CLOCK: variants seen among roughly 807,000 people sequenced by gnomAD.
The protein encoded by CLOCK is circadian locomoter output cycles protein kaput.
A neutral mutation model predicts 118.4 loss-of-function variants in CLOCK; 43 were observed. The ratio of observed to expected loss-of-function variants is 0.36; its 90% CI spans 0.28 to 0.47. The LOEUF is 0.47. Ranked by LOEUF, CLOCK falls within the 20% of genes least tolerant of loss-of-function variation. CLOCK has a pLI of 1.00. For missense variants in CLOCK, 846 were observed against 999.9 expected, an observed-to-expected ratio of 0.85 and a Z score of 2.08; for synonymous variants, 326 against 339.2, an observed-to-expected ratio of 0.96 and a Z score of 0.43.
chr4:55,500,047 C>G (rs1728335569), intron 2 of CLOCK, among the ~76,000 whole-genome samples: 1 of 152,034 alleles, frequency 6.6e-6, no homozygotes, highest in African/African-American at 2.4e-5. Flanking sequence ...TCTCAGGGCA[C>G]AGCTGGGAGA....
At chr4:55,455,795 A>G (rs1724877444) in intron 13 of CLOCK, 102 bp downstream of exon 13, 1 of 876,708 alleles carries the variant, frequency 1.1e-6, no homozygotes, top group East Asian at 2.4e-5. Context: ...TTTCAAAAAT[A>G]TGAAAATGAT....
At chr4:55,479,098 C>A in intron 5 of CLOCK, 135 bp from the exon 6 acceptor site, 1 of 680,074 alleles carries the variant, frequency 1.5e-6, no homozygotes. Flanking sequence ...TCCAGGTTAC[C>A]AATATACAGT....
chr4:55,487,395 C>A (rs527591239), intron 3 of CLOCK, among the ~76,000 whole-genome samples: 21 of 152,280 alleles, frequency 1.4e-4, no homozygotes, highest in Middle Eastern at 3.4e-3. Flanking sequence ...TGAAATATTT[C>A]TTTGGGGAAT....
chr4:55,431,195 A>C lies in CLOCK; in HGVS notation c.*4220T>G, dbSNP rs938979640. On this transcript the variant is annotated 3_prime_UTR_variant, in exon 23 of 23. Coordinates refer to ENST00000513440, the MANE Select transcript of CLOCK (RefSeq NM_004898.4). ...TTCCTTCCGTAAAGGATCCCCAGGC[A>C]TGAGAGTTGGGTCTTCTCACCTGTC... 3 of 152,180 alleles carry C rather than the reference A, an allele frequency of 2.0e-5. No homozygotes were observed. Among genetic ancestry groups the C allele is most frequent in the Non-Finnish European group, 2.9e-5 (2 of 68,026 alleles). The allele number at this position is 152,180 out of a possible 1,614,324, so 9.4% of individuals were successfully genotyped here.
At chr4:55,507,131 T>C (rs893983767) in intron 2 of CLOCK, among the ~76,000 whole-genome samples, 5 of 152,040 alleles carry the variant, frequency 3.3e-5, no homozygotes, top group African/African-American at 9.7e-5. Flanking sequence ...CTAAGCAGCA[T>C]AGTGAAACCT....
chr4:55,470,266 C>T (rs12644948), intron 8 of CLOCK, among the ~76,000 whole-genome samples: 51,322 of 151,818 alleles, frequency 0.34, 9,356 homozygotes, highest in East Asian at 0.58. Flanking sequence ...TGAGACTGTA[C>T]TTTTTATTGT....
chr4:55,522,727 C>A (rs1353400542), intron 1 of CLOCK, among the ~76,000 whole-genome samples: 1 of 152,126 alleles, frequency 6.6e-6, no homozygotes, highest in Non-Finnish European at 1.5e-5. Context: ...TGTAAATGCA[C>A]ACTTTCCCTC....
chr4:55,474,775 T>C (rs1302917179), intron 7 of CLOCK, among the ~76,000 whole-genome samples: 1 of 152,182 alleles, frequency 6.6e-6, no homozygotes, highest in Non-Finnish European at 1.5e-5. Context: ...GTTGACAACA[T>C]GGCTTACTGA....
At chr4:55,477,003 G>A (rs557231672) in intron 6 of CLOCK, among the ~76,000 whole-genome samples, 1 of 152,188 alleles carries the variant, frequency 6.6e-6, no homozygotes, top group South Asian at 2.1e-4. Flanking sequence ...AATATGAAGA[G>A]TAACTAAGAA....
Position 55,470,766 on chromosome 4 carries a change from C to T in CLOCK, c.389G>A (p.Ser130Asn), listed in dbSNP as rs1726085723. 1 of 1,611,680 alleles carries T rather than the reference C, an allele frequency of 6.2e-7. No individual in the cohort carries two copies. The change falls in exon 8 of 23, where the codon AGC (serine) becomes AAC (asparagine). Residue 130 changes from serine (S) to asparagine (N), a missense_variant. Ser to Asn is a conservative substitution (Grantham distance 46). Around this residue, in one of 4 missense-constraint regions of CLOCK, gnomAD observed 246 missense variants for 300.2 expected, o/e 0.82. Coordinates refer to ENST00000513440, the MANE Select transcript of CLOCK (RefSeq NM_004898.4). The part of the protein sequence containing the change: ...GFFLAIMTDG[S>N]IIYVSESVTS... ...TACACTCTCAGACACATATATTATGCTTCCATCTGTCATGATTGCTAAAAA... is the reference window on the plus strand; with the variant it reads ...TACACTCTCAGACACATATATTATGTTTCCATCTGTCATGATTGCTAAAAA...
intron 3 of CLOCK, among the ~76,000 whole-genome samples, chr4:55,485,534 T>TCCA (rs1393197593): frequency 1.3e-5 from 2 of 152,196 alleles, no homozygotes. Flanking sequence ...GTCACACTTG[T>TCCA]CCATGCTGTG....
Position 55,455,958 on chromosome 4 carries a change from T to C in CLOCK, c.921A>G (p.Thr307=). 6.2e-7 allele frequency: 1 copy of C among 1,613,746 alleles called. No homozygotes were observed. The highest frequency in any genetic ancestry group is 2.2e-5 in the East Asian group (1 of 44,772). Residue 307 remains threonine, a synonymous_variant, in exon 13 of 23, where the codon ACA becomes ACG. Transcript: ENST00000513440. ...IGYLPFEVLG[T]SGYDYYHVDD... ...CCACATGATAGTAATCATAGCCTGATGTTCCCAGAACTTCAAATGGCAAAT... is the reference window on the plus strand; with the variant it reads ...CCACATGATAGTAATCATAGCCTGACGTTCCCAGAACTTCAAATGGCAAAT...
intron 1 of CLOCK, among the ~76,000 whole-genome samples, chr4:55,541,686 A>C (rs1661317075): frequency 1.3e-5 from 2 of 152,320 alleles, no homozygotes; most frequent in South Asian, 4.1e-4. Context: ...GTTAACTGAT[A>C]GGATTTAATT....
At chr4:55,436,985 C>T (rs3805146) in intron 22 of CLOCK, among the ~76,000 whole-genome samples, 50,565 of 149,134 alleles carry the variant, frequency 0.34, 9,179 homozygotes, top group East Asian at 0.58. Context: ...GGCAGGTCCT[C>T]TCCTTTTTTT....
At chr4:55,520,927 A>C (rs1729811796) in intron 1 of CLOCK, among the ~76,000 whole-genome samples, 1 of 152,192 alleles carries the variant, frequency 6.6e-6, no homozygotes, top group Non-Finnish European at 1.5e-5. Context: ...CTCCTTTGTG[A>C]ACTCCAGATT....
At chr4:55,438,992 C>G (rs1577670926) in intron 21 of CLOCK, among the ~76,000 whole-genome samples, 2 of 152,136 alleles carry the variant, frequency 1.3e-5, no homozygotes, top group South Asian at 4.1e-4. Flanking sequence ...AACAAAAGAA[C>G]AGATAAACAG....
intron 2 of CLOCK, among the ~76,000 whole-genome samples, chr4:55,489,772 G>A (rs1451862002): frequency 9.2e-5 from 14 of 152,082 alleles, no homozygotes; most frequent in Non-Finnish European, 2.1e-4. Flanking sequence ...CAAGGGAAGA[G>A]TAAGAAAGTT....
At chr4:55,480,438 T>A (rs1310044974) in intron 4 of CLOCK, among the ~76,000 whole-genome samples, 3 of 152,126 alleles carry the variant, frequency 2.0e-5, no homozygotes, top group African/African-American at 7.2e-5. Flanking sequence ...CTAGTTTTTT[T>A]ATATTTTTGT....
At chr4:55,489,847 G>T (rs2109943188) in intron 2 of CLOCK, among the ~76,000 whole-genome samples, 1 of 152,144 alleles carries the variant, frequency 6.6e-6, no homozygotes, top group East Asian at 1.9e-4. Context: ...TAACTATAAG[G>T]TGTTTTTATA....
Sources: allele counts gnomAD v4.1 joint callset (sites outside exome capture counted in the v4.1 genomes callset), GRCh38; gene constraint gnomAD v4.1.1; regional missense constraint gnomAD v4.1.1; transcripts MANE v1.5; gene names NCBI Gene and HGNC (gene_info 2026-07-23, HGNC 2026-07-21).